The following SH3BGR variants were observed in gnomAD, a reference collection of about 807,000 sequenced individuals.
SH3BGR encodes SH3 domain binding glutamate rich protein.
A neutral mutation model predicts 24.5 loss-of-function variants in SH3BGR; 29 were observed. The observed-to-expected ratio is 1.18, with a 90% CI of 0.88 to 1.61. The LOEUF (loss-of-function observed/expected upper bound fraction) is 1.61, where lower values mean the gene tolerates loss of function less well. Ranked by LOEUF, SH3BGR falls within the 40% of genes most tolerant of loss-of-function variation. The probability of loss-of-function intolerance (pLI) is 0.00; values close to 1 mark genes in which losing one functional copy is unlikely to be tolerated. For synonymous variants in SH3BGR, 55 were observed against 65.7 expected, an observed-to-expected ratio of 0.84 and a Z score of 0.79; for missense variants, 162 against 205.8, an observed-to-expected ratio of 0.79 and a Z score of 1.30.
intron 4 of SH3BGR, among the ~76,000 whole-genome samples, chr21:39,504,430 C>A (rs1054902009): frequency 2.0e-5 from 3 of 152,180 alleles, no homozygotes; most frequent in Non-Finnish European, 4.4e-5. Context: ...GCCACCTGTT[C>A]CCAGTGAACG....
chr21:39,491,075 A>G (rs2837050), intron 3 of SH3BGR, among the ~76,000 whole-genome samples: 84,597 of 152,008 alleles, frequency 0.56, 23,938 homozygotes, highest in East Asian at 0.68. Context: ...GTTATAAATC[A>G]GAGTATTTAG....
In SH3BGR at chr21:39,453,097, G is replaced by A. The variant is rs959006380; in HGVS notation, c.45+956G>A. On this transcript the variant is annotated intron_variant, in intron 1 of 6. Coordinates refer to ENST00000333634, the MANE Select transcript of SH3BGR (RefSeq NM_007341.3). ...TTCAGCAGCCACTCTGCCAGAAACAGTACCCAGAGTAAGCCATTGGCTGGG... is the reference window on the plus strand; with the variant it reads ...TTCAGCAGCCACTCTGCCAGAAACAATACCCAGAGTAAGCCATTGGCTGGG... 2.0e-5 allele frequency among the ~76,000 whole-genome samples: 3 copies of A among 152,312 alleles called. No homozygotes were observed. The East Asian group carries it at 5.8e-4, about 29-fold the overall frequency.
At chr21:39,473,893 A>AC (rs1555911835) in intron 2 of SH3BGR, among the ~76,000 whole-genome samples, 2 of 151,356 alleles carry the variant, frequency 1.3e-5, no homozygotes, top group Non-Finnish European at 1.5e-5. Context: ...TCAAAAAAAA[A>AC]AACAAAAAAC....
At chr21:39,461,106 A>G (rs1401185278) in intron 1 of SH3BGR, among the ~76,000 whole-genome samples, 1 of 151,856 alleles carries the variant, frequency 6.6e-6, no homozygotes, top group Non-Finnish European at 1.5e-5. Flanking sequence ...ATGTGAAAAG[A>G]CAACATTACA....
chr21:39,462,260 A>G (rs1295118121), intron 1 of SH3BGR, 115 bp from the exon 2 acceptor site: 2 of 703,078 alleles, frequency 2.8e-6, no homozygotes, highest in Non-Finnish European at 4.7e-6. Context: ...CCTTGTTTGA[A>G]TACTTAACAA....
chr21:39,451,209 T>C (rs2077570335), upstream of SH3BGR, among the ~76,000 whole-genome samples: 2 of 152,228 alleles, frequency 1.3e-5, no homozygotes, highest in South Asian at 4.1e-4. Flanking sequence ...AAAATACCTA[T>C]GTAAACAAAG....
intron 6 of SH3BGR, among the ~76,000 whole-genome samples, chr21:39,512,842 A>G (rs2078720787): frequency 6.6e-6 from 1 of 152,186 alleles, no homozygotes; most frequent in Non-Finnish European, 1.5e-5. Flanking sequence ...AGAAGACATT[A>G]AGTGCTATAA....
chr21:39,486,771 C>CAGTA (rs777909346), intron 3 of SH3BGR, among the ~76,000 whole-genome samples: 3 of 152,136 alleles, frequency 2.0e-5, no homozygotes, highest in Non-Finnish European at 4.4e-5. Flanking sequence ...GGCTGGAGTG[C>CAGTA]AGTAGCACAA....
rs1232213552 is a variant in SH3BGR at position 39,511,891 on chromosome 21, A to G, written c.*34+82A>G. On this transcript the variant is annotated intron_variant, in intron 6 of 6. Coordinates refer to ENST00000333634, the MANE Select transcript of SH3BGR (RefSeq NM_007341.3). This position sits in a 1 kb window ranked among gnomAD's most constrained non-coding sequence, Gnocchi z 4.2. ...GCGGCACATTTTGCTTAGTAACAGG[A>G]GAAAGGGAATTCCAATTCAGGGCTG... 7.6e-7 allele frequency: 1 copy of G among 1,311,320 alleles called. No homozygotes were observed. Among genetic ancestry groups the G allele is most frequent in the Non-Finnish European group, 1.0e-6 (1 of 976,932 alleles). 81.2% of individuals were successfully genotyped at this position (1,311,320 alleles called of 1,614,324 possible). A position where few individuals can be genotyped will look rare whatever the true frequency, so the allele number is the denominator to read the frequency against.
rs544310297 is a variant in SH3BGR at position 39,470,689 on chromosome 21, T to C, written c.232-4446T>C. On this transcript the variant is annotated intron_variant, in intron 2 of 6. Transcript: ENST00000333634. ...CAAATTAGGCATTTCTATTTGTTGG[T>C]TGAACAATCAATGTTTGTTCAGATT... is the stretch of plus-strand genomic sequence containing the variant. Among the ~76,000 whole-genome samples, 24 of 152,342 alleles carry C rather than the reference T, an allele frequency of 1.6e-4. No homozygotes were observed. In the South Asian group the frequency reaches 4.6e-3, roughly 29 times the overall value.
intron 1 of SH3BGR, among the ~76,000 whole-genome samples, chr21:39,461,973 C>A (rs975230156): frequency 6.6e-6 from 1 of 152,074 alleles, no homozygotes; most frequent in Non-Finnish European, 1.5e-5. Context: ...CTCAGCCTCT[C>A]AAGTAGCTGG....
chr21:39,450,974 G>A (rs2077567063), upstream of SH3BGR, among the ~76,000 whole-genome samples: 1 of 151,850 alleles, frequency 6.6e-6, no homozygotes, highest in Non-Finnish European at 1.5e-5. Context: ...CAACATGCCT[G>A]GCTGTTTTTT....
upstream of SH3BGR, among the ~76,000 whole-genome samples, chr21:39,451,140 A>G (rs993082923): frequency 6.6e-6 from 1 of 152,212 alleles, no homozygotes; most frequent in Middle Eastern, 3.2e-3. Context: ...TTTTAACACA[A>G]TTCAAAATAC....
intron 6 of SH3BGR, among the ~76,000 whole-genome samples, chr21:39,513,446 T>C (rs969885214): frequency 3.3e-5 from 5 of 152,188 alleles, no homozygotes; most frequent in African/African-American, 1.2e-4. Context: ...AAAGCTGATA[T>C]AAAAAGCACT....
At chr21:39,446,776 G>A (rs2077481513) in intron 1 of SH3BGR, among the ~76,000 whole-genome samples, 1 of 152,096 alleles carries the variant, frequency 6.6e-6, no homozygotes, top group South Asian at 2.1e-4. Context: ...TTTGATGCTT[G>A]AAAACTTGGC....
In SH3BGR at chr21:39,483,248, T is replaced by G. The variant is rs183633959; in HGVS notation, c.312+8033T>G. On this transcript the variant is annotated intron_variant, in intron 3 of 6. Transcript: ENST00000333634. Reference sequence around the variant, plus strand: ...AAAGTTAGAGCAGATGAACTTATTTTCCAGTGTGCAGAGTGTCCAGGATCA... The same window carrying G: ...AAAGTTAGAGCAGATGAACTTATTTGCCAGTGTGCAGAGTGTCCAGGATCA... Among the ~76,000 whole-genome samples, 85 of 152,340 alleles carry G rather than the reference T, an allele frequency of 5.6e-4. 1 individual carries two copies. Among genetic ancestry groups the G allele is most frequent in the African/African-American group, 1.9e-3 (79 of 41,586 alleles).
intron 5 of SH3BGR, among the ~76,000 whole-genome samples, chr21:39,510,909 C>CTACA (rs1491089915): frequency 3.0e-5 from 2 of 65,880 alleles, no homozygotes; most frequent in Admixed American, 2.0e-4. Flanking sequence ...ATTCTTCTAA[C>CTACA]TATATATATA....
chr21:39,472,284 A>G (rs1375974508), intron 2 of SH3BGR, among the ~76,000 whole-genome samples: 3 of 152,216 alleles, frequency 2.0e-5, no homozygotes, highest in Non-Finnish European at 2.9e-5. Flanking sequence ...GGCTGCATCA[A>G]ACATGGCTGA....
intron 1 of SH3BGR, among the ~76,000 whole-genome samples, chr21:39,455,397 C>T (rs1380512678): frequency 1.3e-5 from 2 of 152,282 alleles, no homozygotes; most frequent in East Asian, 3.9e-4. Flanking sequence ...GGCCATGGCA[C>T]CCTGGAGGGT....
Sources: gnomAD v4.1 joint callset for allele counts (sites outside exome capture counted in the v4.1 genomes callset) on GRCh38, gnomAD v4.1.1 for gene constraint, Gnocchi (gnomAD v3.1) non-coding constraint, MANE v1.5 for transcripts, NCBI Gene and HGNC (gene_info 2026-07-23, HGNC 2026-07-21) for gene names.